The following RALY variants were observed in gnomAD, a reference collection of about 807,000 sequenced individuals.
RALY encodes RALY heterogeneous nuclear ribonucleoprotein.
Under a neutral mutation model 30.7 loss-of-function variants are expected in RALY, and 15 were observed. The ratio of observed to expected loss-of-function variants is 0.49; its 90% CI spans 0.33 to 0.75. The LOEUF is 0.75. RALY is among the 30% of genes least tolerant of loss of function. RALY has a pLI of 0.02. For missense variants in RALY, 339 were observed against 414.3 expected (o/e 0.82, Z 1.58); for synonymous variants, 177 against 170.8 (o/e 1.04, Z -0.28).
At chr20:34,076,120 A>T in intron 6 of RALY, 80 bp downstream of exon 6, 1 of 1,479,016 alleles carries the variant, frequency 6.8e-7, no homozygotes, top group Non-Finnish European at 9.2e-7. Flanking sequence ...TTTACATTGG[A>T]ACATAGATAA....
At chr20:34,077,474 T>C (rs993916604) in intron 8 of RALY, 1 of 880,036 alleles carries the variant, frequency 1.1e-6, no homozygotes, top group East Asian at 2.8e-5. Context: ...CTCCCCCAAA[T>C]GCGGGCACAT....
chr20:34,037,637 GT>G (rs2032546886), intron 2 of RALY, among the ~76,000 whole-genome samples: 1 of 152,132 alleles, frequency 6.6e-6, no homozygotes, highest in African/African-American at 2.4e-5. Flanking sequence ...AGGAATAATA[GT>G]TTCTACCCAG....
rs968215682 is a variant in RALY, at chr20:34,076,234, C to G, written c.544+194C>G. 2.2e-5 allele frequency: 16 copies of G among 726,516 alleles called. No homozygotes were observed. The African/African-American group carries it at 2.5e-4, about 11-fold the overall frequency. The allele number at this position is 726,516 out of a possible 1,614,324, so 45.0% of individuals were successfully genotyped here. A position where few individuals can be genotyped will look rare whatever the true frequency, so the allele number is the denominator to read the frequency against. On this transcript the variant is annotated intron_variant, in intron 6 of 9. Transcript: ENST00000246194. ...TTTTAGGAGGAGGGGTTGTGTTGGG[C>G]ACAGAGAGTCCAGTGCTGGATATGG...
intron 2 of RALY, among the ~76,000 whole-genome samples, chr20:34,038,321 G>C (rs976995563): frequency 6.6e-6 from 1 of 152,156 alleles, no homozygotes; most frequent in Non-Finnish European, 1.5e-5. Context: ...ACATGGCCAA[G>C]AGAGCAAAAT....
chr20:34,013,874 T>C (rs2031506807), intron 1 of RALY, among the ~76,000 whole-genome samples: 1 of 152,220 alleles, frequency 6.6e-6, no homozygotes, highest in African/African-American at 2.4e-5. Flanking sequence ...TATGCATTGA[T>C]ACTTATAGTA....
At chr20:34,065,234 A>T (rs2033536393) in intron 2 of RALY, 1 of 152,268 alleles carries the variant, frequency 6.6e-6, no homozygotes, top group Non-Finnish European at 1.5e-5. Flanking sequence ...TACATTACAG[A>T]TGCAACAGAG....
rs2034040961 is a variant in RALY at position 34,082,195 on chromosome 20, CGA to C, written c.*2294_*2295del. 6.6e-6 allele frequency: 1 copy of C among 152,308 alleles called. No homozygotes were observed. Among genetic ancestry groups the C allele is most frequent in the Non-Finnish European group, 1.5e-5 (1 of 68,120 alleles). 9.4% of individuals were successfully genotyped at this position (152,308 alleles called of 1,614,324 possible). A position where few individuals can be genotyped will look rare whatever the true frequency, so the allele number is the denominator to read the frequency against. On this transcript the variant is annotated 3_prime_UTR_variant, in exon 10 of 10. Coordinates refer to ENST00000246194, the MANE Select transcript of RALY (RefSeq NM_016732.3). ...CCCACATCTTTCCTTGCCCAGAAGGCGAGAGCCAGCTATAACAGACCCATTTC... is the reference window on the plus strand; with the variant it reads ...CCCACATCTTTCCTTGCCCAGAAGGCGAGCCAGCTATAACAGACCCATTTC...
At chr20:34,013,727 A>G (rs1377844027) in intron 1 of RALY, among the ~76,000 whole-genome samples, 1 of 152,168 alleles carries the variant, frequency 6.6e-6, no homozygotes, top group Non-Finnish European at 1.5e-5. Flanking sequence ...GTGCTGTGTC[A>G]CACCCAAATC....
Position 33,996,745 on chromosome 20 carries a change from C to G in RALY, c.-93+2614C>G, listed in dbSNP as rs184270026. ...TGCAACCATCATCACTGTCCATTAT[C>G]TTCCCCAACTGAAATTCTGTACCCA... On this transcript the variant is annotated intron_variant, in intron 1 of 9. Transcript: ENST00000246194. Among the ~76,000 whole-genome samples the G allele has an allele frequency of 3.1e-3, 473 of 152,256 alleles. 1 individual carries two copies. Among genetic ancestry groups the G allele is most frequent in the African/African-American group, 0.011 (455 of 41,540 alleles).
chr20:34,029,870 A>C (rs2032204585), intron 1 of RALY: 1 of 152,272 alleles, frequency 6.6e-6, no homozygotes, highest in South Asian at 2.1e-4. Flanking sequence ...AGCAACTTTC[A>C]TTCCCTCTGA....
chr20:34,043,069 T>C (rs1456828876), intron 2 of RALY, among the ~76,000 whole-genome samples: 2 of 152,272 alleles, frequency 1.3e-5, no homozygotes, highest in East Asian at 3.8e-4. Context: ...AGGGAACAGA[T>C]GTGACCTCTT....
intron 2 of RALY, among the ~76,000 whole-genome samples, chr20:34,035,083 G>A (rs973534599): frequency 6.9e-6 from 1 of 145,886 alleles, no homozygotes; most frequent in African/African-American, 2.5e-5. Context: ...AACCCGGGAG[G>A]CAGAGCTTGC....
At chr20:34,037,632 T>C (rs902924245) in intron 2 of RALY, among the ~76,000 whole-genome samples, 1 of 152,172 alleles carries the variant, frequency 6.6e-6, no homozygotes, top group Non-Finnish European at 1.5e-5. Context: ...AAACAAGGAA[T>C]AATAGTTTCT....
chr20:34,077,895 C>T (rs2033939764), intron 8 of RALY, among the ~76,000 whole-genome samples: 1 of 152,226 alleles, frequency 6.6e-6, no homozygotes, highest in Non-Finnish European at 1.5e-5. Context: ...ATTCTGTTCC[C>T]ACATTTTACC....
intron 1 of RALY, among the ~76,000 whole-genome samples, chr20:34,007,960 A>G (rs1435696434): frequency 3.3e-5 from 5 of 152,130 alleles, no homozygotes; most frequent in African/African-American, 4.8e-5. Context: ...CATATAGTCA[A>G]TCAGGGACTG....
At chr20:34,004,748 C>T (rs2031082966) in intron 1 of RALY, among the ~76,000 whole-genome samples, 1 of 152,154 alleles carries the variant, frequency 6.6e-6, no homozygotes, top group Non-Finnish European at 1.5e-5. Context: ...TGAAGTATAT[C>T]AAAAGAGAGT....
intron 1 of RALY, chr20:34,017,760 G>A (rs2031664141): frequency 6.6e-6 from 1 of 152,222 alleles, no homozygotes; most frequent in South Asian, 2.1e-4. Flanking sequence ...ATGCTCAGCA[G>A]CCAGTGTGGT....
rs2034007898 is a variant in RALY at position 34,080,305 on chromosome 20, C to A, written c.*400C>A. On this transcript the variant is annotated 3_prime_UTR_variant, in exon 10 of 10. Transcript: ENST00000246194. Reference sequence around the variant, plus strand: ...GGTTTGTGTTTTCTCATGAAGATATCCCGGCCCCTCTGCCAACCAAAAAGC... The same window carrying A: ...GGTTTGTGTTTTCTCATGAAGATATACCGGCCCCTCTGCCAACCAAAAAGC... 6.6e-6 allele frequency: 1 copy of A among 152,278 alleles called. No homozygotes were observed. Among genetic ancestry groups the A allele is most frequent in the Admixed American group, 6.5e-5 (1 of 15,284 alleles). The allele number at this position is 152,278 out of a possible 1,614,324, so 9.4% of individuals were successfully genotyped here. A position where few individuals can be genotyped will look rare whatever the true frequency, so the allele number is the denominator to read the frequency against.
intron 2 of RALY, among the ~76,000 whole-genome samples, chr20:34,048,241 C>T (rs2032951934): frequency 6.6e-6 from 1 of 152,180 alleles, no homozygotes; most frequent in Non-Finnish European, 1.5e-5. Flanking sequence ...GGCACTTCAT[C>T]AAGAGGAATT....
Sources: allele counts gnomAD v4.1 joint callset (sites outside exome capture counted in the v4.1 genomes callset), GRCh38; gene constraint gnomAD v4.1.1; transcripts MANE v1.5; gene names NCBI Gene and HGNC (gene_info 2026-07-23, HGNC 2026-07-21).